ST7: variants seen among roughly 807,000 people sequenced by gnomAD.
ST7 encodes suppression of tumorigenicity 7, also known as suppressor of tumorigenicity 7 protein.
ST7 carries 28 observed loss-of-function variants against 78.7 expected under a neutral mutation model. That is an observed-to-expected ratio of 0.36 (90% CI 0.26 to 0.49). The LOEUF (loss-of-function observed/expected upper bound fraction) is 0.49, where lower values mean the gene tolerates loss of function less well. ST7 is among the 20% of genes least tolerant of loss of function. The pLI, the probability that ST7 is intolerant of heterozygous loss-of-function variation, is 0.99. For missense variants in ST7, 418 were observed against 696.0 expected, an observed-to-expected ratio of 0.60 and a Z score of 4.49; for synonymous variants, 247 against 249.6, an observed-to-expected ratio of 0.99 and a Z score of 0.10.
intron 11 of ST7, 58 bp downstream of exon 11, chr7:117,189,451 C>G: frequency 7.3e-7 from 1 of 1,378,304 alleles, no homozygotes; most frequent in Non-Finnish European, 9.9e-7. Flanking sequence ...GATGTGTTGC[C>G]TCTGAGGGCT....
intron 1 of ST7, among the ~76,000 whole-genome samples, chr7:116,999,018 T>A (rs1794804910): frequency 6.6e-6 from 1 of 152,234 alleles, no homozygotes; most frequent in South Asian, 2.1e-4. Context: ...ATGATAATCT[T>A]TTATCAATTA....
chr7:117,123,425 G>C (rs1026063749), intron 3 of ST7, among the ~76,000 whole-genome samples: 2 of 152,166 alleles, frequency 1.3e-5, no homozygotes, highest in Non-Finnish European at 2.9e-5. Context: ...CCTGAATGCA[G>C]ACTTGCTCAC....
chr7:116,957,337 A>G (rs1035006118), intron 1 of ST7, among the ~76,000 whole-genome samples: 1 of 152,176 alleles, frequency 6.6e-6, no homozygotes. Context: ...TAGGAATAGT[A>G]CATAGTGGCT....
intron 9 of ST7, among the ~76,000 whole-genome samples, chr7:117,153,882 G>C (rs144742374): frequency 1.4e-3 from 208 of 152,260 alleles, no homozygotes; most frequent in African/African-American, 4.8e-3. Flanking sequence ...ATGATACCTA[G>C]AAGGGAACCT....
chr7:117,172,109 C>G (rs918727365), intron 10 of ST7, among the ~76,000 whole-genome samples: 2 of 152,040 alleles, frequency 1.3e-5, no homozygotes, highest in African/African-American at 4.8e-5. Flanking sequence ...TGCCATCATG[C>G]TTGGCTAATT....
chr7:117,097,731 T>A (rs1433408649), intron 1 of ST7, among the ~76,000 whole-genome samples: 1 of 150,066 alleles, frequency 6.7e-6, no homozygotes, highest in East Asian at 1.9e-4. Context: ...TTATAAGCTG[T>A]AGGGGTGTTT....
chr7:117,130,652 T>C, intron 5 of ST7, 46 bp downstream of exon 5: 1 of 1,458,584 alleles, frequency 6.9e-7, no homozygotes. Flanking sequence ...GCTTTTTGGC[T>C]TAAGTGTCAA....
intron 9 of ST7, among the ~76,000 whole-genome samples, 169 bp from the exon 10 acceptor site, chr7:117,170,693 A>G (rs1201166584): frequency 2.0e-5 from 3 of 152,150 alleles, no homozygotes; most frequent in Non-Finnish European, 4.4e-5. Flanking sequence ...ATAAATAAAT[A>G]AATAAGAAAT....
intron 1 of ST7, chr7:117,072,786 C>G (rs923532562): frequency 1.3e-5 from 2 of 152,200 alleles, no homozygotes; most frequent in East Asian, 3.8e-4. Flanking sequence ...CTAATTCCTC[C>G]TAGCAGAGCA....
intron 1 of ST7, among the ~76,000 whole-genome samples, chr7:117,079,304 G>A (rs1001176282): frequency 6.6e-6 from 1 of 152,134 alleles, no homozygotes; most frequent in South Asian, 2.1e-4. Flanking sequence ...TAACAGACTT[G>A]AGCATCCTCT....
chr7:117,202,874 C>G (rs1216781851), intron 12 of ST7, among the ~76,000 whole-genome samples: 1 of 151,984 alleles, frequency 6.6e-6, no homozygotes, highest in East Asian at 1.9e-4. Context: ...TTTTTTTCCC[C>G]CCCTCAGTAT....
chr7:117,131,850 G>A (rs768467864), intron 5 of ST7, 35 bp from the exon 6 acceptor site: 43 of 1,564,844 alleles, frequency 2.7e-5, no homozygotes, highest in Non-Finnish European at 3.7e-5. Context: ...TTATATGTAT[G>A]GATTGACTTG....
intron 1 of ST7, among the ~76,000 whole-genome samples, chr7:117,095,574 C>G (rs1210976903): frequency 1.3e-5 from 2 of 152,178 alleles, no homozygotes; most frequent in Non-Finnish European, 2.9e-5. Context: ...CTTTCAATAA[C>G]TGAGGTGATA....
rs183986665 is a variant in ST7, at chr7:117,106,188, C to T, written c.234+6344C>T. On this transcript the variant is annotated intron_variant, in intron 2 of 15. Coordinates refer to ENST00000323984, the MANE Select transcript of ST7 (RefSeq NM_001369598.1). ...TAATTTTTTGTATTTTTAGTAGAGA[C>T]GGGGTTTCACCTTGTTAGCCAGGAT... 3.1e-4 allele frequency among the ~76,000 whole-genome samples: 47 copies of T among 151,844 alleles called. 1 individual carries two copies. The highest frequency in any genetic ancestry group is 4.3e-4 in the Non-Finnish European group (29 of 67,888).
chr7:117,015,052 ATTAC>A (rs2115957506), intron 1 of ST7: 2 of 1,025,468 alleles, frequency 2.0e-6, no homozygotes, highest in Non-Finnish European at 1.3e-6. Flanking sequence ...GTTATGTAGA[ATTAC>A]TTTAAAAATA....
chr7:117,091,546 A>G (rs1416774393), intron 1 of ST7, among the ~76,000 whole-genome samples: 1 of 152,242 alleles, frequency 6.6e-6, no homozygotes, highest in East Asian at 1.9e-4. Context: ...ATGTCATGGT[A>G]GCAGAGGGAG....
intron 1 of ST7, among the ~76,000 whole-genome samples, chr7:117,001,988 G>A (rs1373766641): frequency 6.6e-6 from 1 of 152,146 alleles, no homozygotes; most frequent in African/African-American, 2.4e-5. Context: ...CACTTTGGGA[G>A]GCTGAGGCGG....
intron 9 of ST7, among the ~76,000 whole-genome samples, chr7:117,155,268 A>G (rs1256120286): frequency 6.6e-6 from 1 of 152,182 alleles, no homozygotes; most frequent in East Asian, 1.9e-4. Flanking sequence ...AAAGGAGGCT[A>G]AGGTGACTAA....
At chr7:117,006,574 A>G (rs191606029) in intron 1 of ST7, among the ~76,000 whole-genome samples, 179 of 152,382 alleles carry the variant, frequency 1.2e-3, no homozygotes, top group Non-Finnish European at 1.9e-3. Flanking sequence ...GTAAGAACAG[A>G]AATATACCTA....
Sources: gnomAD v4.1 joint callset for allele counts (sites outside exome capture counted in the v4.1 genomes callset) on GRCh38, gnomAD v4.1.1 for gene constraint, MANE v1.5 for transcripts, NCBI Gene and HGNC (gene_info 2026-07-23, HGNC 2026-07-21) for gene names.